Variants in LAMB1 observed in about 807,000 individuals in gnomAD.
The protein encoded by LAMB1 is laminin subunit beta-1.
A neutral mutation model predicts 222.3 loss-of-function variants in LAMB1; 121 were observed. That is an observed-to-expected ratio of 0.54 (90% CI 0.47 to 0.63). LAMB1 has a LOEUF of 0.63. LAMB1 is among the 30% of genes least tolerant of loss of function. The pLI is 0.00. For missense variants in LAMB1, 2,172 were observed against 2,240.8 expected, an observed-to-expected ratio of 0.97 and a Z score of 0.62; for synonymous variants, 794 against 807.2, an observed-to-expected ratio of 0.98 and a Z score of 0.28.
intron 5 of LAMB1, among the ~76,000 whole-genome samples, chr7:107,992,065 G>A (rs374656324): frequency 9.2e-5 from 14 of 151,814 alleles, no homozygotes; most frequent in African/African-American, 3.4e-4. Flanking sequence ...CCCCAAACTC[G>A]AGGCAAATCT....
At chr7:107,950,372 G>T (rs2033215531) in intron 24 of LAMB1, among the ~76,000 whole-genome samples, 1 of 152,116 alleles carries the variant, frequency 6.6e-6, no homozygotes, top group Admixed American at 6.5e-5. Flanking sequence ...AAGTAGGAAA[G>T]AAAGAATATA....
intron 21 of LAMB1, among the ~76,000 whole-genome samples, chr7:107,954,757 C>T (rs945851607): frequency 6.6e-6 from 1 of 152,120 alleles, no homozygotes; most frequent in Non-Finnish European, 1.5e-5. Context: ...TGCCACTGCA[C>T]TCCAGCCTGG....
intron 7 of LAMB1, among the ~76,000 whole-genome samples, chr7:107,981,278 T>C (rs2033967851): frequency 6.6e-6 from 1 of 152,066 alleles, no homozygotes; most frequent in Non-Finnish European, 1.5e-5. Context: ...TGAAACCCCA[T>C]CTCTACTAAA....
rs968675614 is a variant in LAMB1, at chr7:108,001,577, C to A, written c.194G>T (p.Cys65Phe). 2 of 1,609,950 alleles carry A rather than the reference C, an allele frequency of 1.2e-6. No individual in the cohort carries two copies. The highest frequency in any genetic ancestry group is 1.7e-6 in the Non-Finnish European group (2 of 1,177,804). ...CCTCACCTGCAAGTGGCTGACGATA[C>A]AGTAGGGTTCGGGCTTGTGCAGCCC... is the stretch of plus-strand genomic sequence containing the variant. ...TCGLHKPEPY[C>F]IVSHLQEDKK... The change falls in exon 3 of 34, where the codon TGT (cysteine) becomes TTT (phenylalanine). Residue 65 changes from cysteine (C) to phenylalanine (F), a missense_variant. By Grantham distance (205) the Cys-to-Phe change is radical. Transcript: ENST00000222399.
Position 107,994,883 on chromosome 7 carries a change from T to C in LAMB1, c.423+4A>G, listed in dbSNP as rs1331554328. ...CATTTGTGAGAAAGTCATGGATTTC[T>C]TACCTTGAAAGTCATTATGAGATGA... On this transcript the variant is annotated splice_donor_region_variant and intron_variant, in intron 5 of 33. Transcript: ENST00000222399. The C allele has an allele frequency of 6.4e-7, 1 of 1,561,880 alleles. No homozygotes were observed. The highest frequency in any genetic ancestry group is 1.1e-5 in the South Asian group (1 of 89,448).
intron 29 of LAMB1, among the ~76,000 whole-genome samples, chr7:107,930,294 T>C (rs1462752840): frequency 6.6e-6 from 1 of 152,254 alleles, no homozygotes; most frequent in Non-Finnish European, 1.5e-5. Flanking sequence ...CCTCATTTAC[T>C]TTCAAGCTTT....
chr7:107,958,234 A>G (rs1370517092), intron 20 of LAMB1, among the ~76,000 whole-genome samples: 2 of 152,214 alleles, frequency 1.3e-5, no homozygotes, highest in Non-Finnish European at 2.9e-5. Context: ...TCACTGTTGT[A>G]TAACTGTGTC....
In LAMB1 at chr7:107,932,350, A is replaced by G; in HGVS notation, c.4216T>C (p.Cys1406Arg). ...MTCGTPPGAS[C>R]SETECGGPNC... ...GGCCCGCCACATTCAGTCTCGGAAC[A>G]GGAGGCCCCTGGGGGTGTTCCACAG... The change falls in exon 28 of 34, where the codon TGT becomes CGT. Residue 1406 changes from cysteine (C) to arginine (R), a missense_variant. Cys to Arg is a radical substitution (Grantham distance 180). Coordinates refer to ENST00000222399, the MANE Select transcript of LAMB1 (RefSeq NM_002291.3). 6.2e-7 allele frequency: 1 copy of G among 1,614,238 alleles called. No homozygotes were observed. Among genetic ancestry groups the G allele is most frequent in the Non-Finnish European group, 8.5e-7 (1 of 1,180,038 alleles).
chr7:107,924,881 G>T (rs2032523785), intron 32 of LAMB1, among the ~76,000 whole-genome samples: 4 of 152,186 alleles, frequency 2.6e-5, no homozygotes, highest in Admixed American at 2.6e-4. Context: ...GTGAGGAGAA[G>T]AGAAATGGGG....
At chr7:107,949,250 G>T (rs1468964444) in intron 24 of LAMB1, among the ~76,000 whole-genome samples, 1 of 152,202 alleles carries the variant, frequency 6.6e-6, no homozygotes, top group African/African-American at 2.4e-5. Flanking sequence ...AAAGGGTAAG[G>T]AGTAAAGTTC....
chr7:107,958,149 A>T (rs1005032824), intron 20 of LAMB1, among the ~76,000 whole-genome samples: 1 of 151,916 alleles, frequency 6.6e-6, no homozygotes, highest in Non-Finnish European at 1.5e-5. Context: ...CTTATTCTCC[A>T]TCTCTCTTTG....
Position 107,937,296 on chromosome 7 carries a change from GCTTA to G in LAMB1, c.3762-23_3762-20del. The G allele has an allele frequency of 6.2e-7, 1 of 1,600,052 alleles. No individual in the cohort carries two copies. Among genetic ancestry groups the G allele is most frequent in the Non-Finnish European group, 8.5e-7 (1 of 1,170,040 alleles). The stretch of plus-strand genomic sequence containing the variant: ...CAGTTTCCTGTAAAGAGAAAGTTAA[GCTTA>G]CTTACATAAAATAAACCCAAGGGAG... On this transcript the variant is annotated intron_variant, in intron 25 of 33. Coordinates refer to ENST00000222399, the MANE Select transcript of LAMB1 (RefSeq NM_002291.3).
intron 4 of LAMB1, among the ~76,000 whole-genome samples, chr7:107,997,911 T>C (rs1177829185): frequency 6.6e-6 from 1 of 152,122 alleles, no homozygotes; most frequent in Non-Finnish European, 1.5e-5. Flanking sequence ...ATTCATAGTG[T>C]TACTATTACT....
intron 13 of LAMB1, 138 bp downstream of exon 13, chr7:107,972,854 G>A (rs2033775892): frequency 1.5e-6 from 1 of 688,364 alleles, no homozygotes; most frequent in Non-Finnish European, 2.7e-6. Flanking sequence ...GTCCATAGAG[G>A]TACCTACACA....
chr7:107,967,212 G>A (rs1376658833), intron 13 of LAMB1, among the ~76,000 whole-genome samples: 1 of 152,164 alleles, frequency 6.6e-6, no homozygotes, highest in African/African-American at 2.4e-5. Flanking sequence ...GTATAGGTGA[G>A]ACATCACCTT....
At chr7:107,957,999 A>T (rs1378687102) in intron 20 of LAMB1, among the ~76,000 whole-genome samples, 3 of 152,202 alleles carry the variant, frequency 2.0e-5, no homozygotes, top group Non-Finnish European at 2.9e-5. Flanking sequence ...GTTCAAATGC[A>T]TTCTACAGTG....
chr7:107,928,788 C>T (rs1156941471), intron 31 of LAMB1, among the ~76,000 whole-genome samples: 1 of 152,164 alleles, frequency 6.6e-6, no homozygotes, highest in African/African-American at 2.4e-5. Flanking sequence ...CCACCATGCC[C>T]GCCCAAGAAT....
Position 108,001,648 on chromosome 7 carries a change from G to A in LAMB1, c.123C>T (p.Asp41=), listed in dbSNP as rs1396239600. The A allele has an allele frequency of 6.2e-7, 1 of 1,613,196 alleles. No individual in the cohort carries two copies. Among genetic ancestry groups the A allele is most frequent in the Admixed American group, 1.7e-5 (1 of 59,958 alleles). ...AEGSCYPATG[D]LLIGRAQKLS... is the part of the protein sequence containing the mutation. ...GCTTCTGTGCTCGGCCGATGAGAAGGTCGCCCGTGGCGGGATAGCAGCTGC... is the reference window on the plus strand; with the variant it reads ...GCTTCTGTGCTCGGCCGATGAGAAGATCGCCCGTGGCGGGATAGCAGCTGC... The change falls in exon 3 of 34, where the codon GAC becomes GAT. Residue 41 remains aspartate, a synonymous_variant. Coordinates refer to ENST00000222399, the MANE Select transcript of LAMB1 (RefSeq NM_002291.3).
At chr7:107,954,318 CT>C (rs1418499230) in intron 21 of LAMB1, among the ~76,000 whole-genome samples, 4 of 150,270 alleles carry the variant, frequency 2.7e-5, no homozygotes, top group Non-Finnish European at 5.9e-5. Flanking sequence ...CTACACCTGA[CT>C]AATTTTGTAA....
Sources: gnomAD v4.1 joint callset for allele counts (sites outside exome capture counted in the v4.1 genomes callset) on GRCh38, gnomAD v4.1.1 for gene constraint, MANE v1.5 for transcripts, NCBI Gene and HGNC (gene_info 2026-07-23, HGNC 2026-07-21) for gene names.